The following MECR variants were observed in gnomAD, a reference collection of about 807,000 sequenced individuals.
MECR encodes the protein mitochondrial trans-2-enoyl-CoA reductase, also known as enoyl-[acyl-carrier-protein] reductase, mitochondrial.
A neutral mutation model predicts 49.1 loss-of-function variants in MECR; 37 were observed. The ratio of observed to expected loss-of-function variants is 0.75; its 90% confidence interval spans 0.58 to 0.99. The LOEUF is 0.99. Among genes scored for constraint, MECR ranks in the 50% least tolerant of loss-of-function variants. MECR has a pLI of 0.00. For synonymous variants in MECR, 198 were observed against 191.1 expected, an observed-to-expected ratio of 1.04 and a Z score of -0.30; for missense variants, 470 against 479.6, an observed-to-expected ratio of 0.98 and a Z score of 0.19.
In MECR at chr1:29,217,072, T is replaced by A. The variant is rs372250386; in HGVS notation, c.177-387A>T. Among the ~76,000 whole-genome samples the A allele has an allele frequency of 2.1e-4, 30 of 141,896 alleles. No homozygotes were observed. In the East Asian group the frequency reaches 5.4e-3, roughly 26 times the overall value. The allele number at this position is 141,896 out of a possible 152,430, so 93.1% of individuals were successfully genotyped here. On this transcript the variant is annotated intron_variant, in intron 1 of 9. Transcript: ENST00000263702. ...TTGCTTCAACGTGGGAGGCAGAGGTTGTAGTGAGCTGAGATTGTGCCATCC... is the reference window on the plus strand; with the variant it reads ...TTGCTTCAACGTGGGAGGCAGAGGTAGTAGTGAGCTGAGATTGTGCCATCC...
At position 29,230,918 on chromosome 1, in the gene MECR, C is replaced by T; in HGVS notation, c.-12G>A. ...CTGCAGACCCACATGCTCGCTCCAA[C>T]CAACACAGAGCCTGACGCCCCGGCT... On this transcript the variant is annotated 5_prime_UTR_variant, in exon 1 of 10. Transcript: ENST00000263702. The T allele has an allele frequency of 6.3e-7, 1 of 1,588,706 alleles. No homozygotes were observed. The highest frequency in any genetic ancestry group is 8.5e-7 in the Non-Finnish European group (1 of 1,172,368).
At chr1:29,175,474 T>C in the MECR span, among the ~76,000 whole-genome samples, 2 of 150,274 alleles carry the variant, frequency 1.3e-5, no homozygotes, top group African/African-American at 2.5e-5. Flanking sequence ...GGCGGGTGGA[T>C]CATGAGGTCA....
At chr1:29,212,038 C>T (rs1249533975) in intron 3 of MECR, among the ~76,000 whole-genome samples, 1 of 152,218 alleles carries the variant, frequency 6.6e-6, no homozygotes, top group Non-Finnish European at 1.5e-5. Context: ...CAGATGCTCA[C>T]AAAATGTTTA....
rs892036027 is a variant in MECR at position 29,210,989 on chromosome 1, G to C, written c.407-4084C>G. Among the ~76,000 whole-genome samples, 87 of 152,146 alleles carry C rather than the reference G, an allele frequency of 5.7e-4. 1 individual carries two copies. Among genetic ancestry groups the C allele is most frequent in the Middle Eastern group, 6.8e-3 (2 of 294 alleles). ...AGGATTCCCAATTCCTCAGTCATAT[G>C]CAACTGACCCTTAACCATCTCCATT... On this transcript the variant is annotated intron_variant, in intron 3 of 9. Coordinates refer to ENST00000263702, the MANE Select transcript of MECR (RefSeq NM_016011.5).
chr1:29,208,042 G>T (rs1023553873), intron 3 of MECR, among the ~76,000 whole-genome samples: 4 of 152,032 alleles, frequency 2.6e-5, no homozygotes, highest in Admixed American at 6.6e-5. Context: ...TCCCAGGCTG[G>T]AGTGCAATGG....
At chr1:29,203,022 G>T in intron 5 of MECR, 109 bp downstream of exon 5, 1 of 822,376 alleles carries the variant, frequency 1.2e-6, no homozygotes. Flanking sequence ...CCTAAAGCCA[G>T]TTTATGCTTA....
chr1:29,178,094 T>C, the MECR span, among the ~76,000 whole-genome samples: 1 of 151,744 alleles, frequency 6.6e-6, no homozygotes, highest in African/African-American at 2.4e-5. Flanking sequence ...GAGATGGGGT[T>C]TCACCATGTT....
intron 1 of MECR, among the ~76,000 whole-genome samples, chr1:29,217,688 G>T (rs1679828930): frequency 6.6e-6 from 1 of 152,200 alleles, no homozygotes; most frequent in Non-Finnish European, 1.5e-5. Context: ...ACCCCAAGTA[G>T]TTCTTACCAA....
chr1:29,185,123 T>C, the MECR span, among the ~76,000 whole-genome samples: 1 of 152,092 alleles, frequency 6.6e-6, no homozygotes, highest in Admixed American at 6.5e-5. Context: ...CGAAACTTTG[T>C]CTCAAAAAAG....
At chr1:29,168,859 G>C in the MECR span, 1 of 152,108 alleles carries the variant, frequency 6.6e-6, no homozygotes, top group South Asian at 2.1e-4. Flanking sequence ...ATGGTGACTT[G>C]AACCAAAAAA....
intron 1 of MECR, chr1:29,223,327 G>A (rs926881608): frequency 3.1e-6 from 3 of 979,712 alleles, no homozygotes; most frequent in Non-Finnish European, 3.6e-6. Context: ...TGAGAGGGGG[G>A]AAAAGAGGCC....
the MECR span, among the ~76,000 whole-genome samples, chr1:29,175,046 G>C: frequency 6.6e-6 from 1 of 150,696 alleles, no homozygotes. Flanking sequence ...GCCCATACCT[G>C]TATGTGAAAA....
At chr1:29,213,478 G>T (rs1427026262) in intron 3 of MECR, among the ~76,000 whole-genome samples, 1 of 152,170 alleles carries the variant, frequency 6.6e-6, no homozygotes, top group Non-Finnish European at 1.5e-5. Flanking sequence ...CAACCACAAG[G>T]CCCCACCTGT....
chr1:29,169,531 T>C, the MECR span: 1 of 152,200 alleles, frequency 6.6e-6, no homozygotes, highest in Non-Finnish European at 1.5e-5. Context: ...TCTCTACAAG[T>C]GGAACCAAAC....
At chr1:29,199,221 C>T (rs1219531718) in intron 7 of MECR, among the ~76,000 whole-genome samples, 1 of 152,086 alleles carries the variant, frequency 6.6e-6, no homozygotes, top group African/African-American at 2.4e-5. Context: ...CACTCTAGCT[C>T]AAGAAGCTTT....
intron 7 of MECR, among the ~76,000 whole-genome samples, chr1:29,197,368 G>A (rs905856697): frequency 6.6e-6 from 1 of 152,144 alleles, no homozygotes; most frequent in Admixed American, 6.5e-5. Context: ...TGATGTGGAC[G>A]GTGCAGGGAA....
At chr1:29,210,788 C>T (rs1382583709) in intron 3 of MECR, among the ~76,000 whole-genome samples, 2 of 152,178 alleles carry the variant, frequency 1.3e-5, no homozygotes, top group South Asian at 2.1e-4. Context: ...ATCACTTCAC[C>T]TTTTTTGAGT....
At chr1:29,225,299 G>T (rs1207761740) in intron 1 of MECR, among the ~76,000 whole-genome samples, 1 of 152,046 alleles carries the variant, frequency 6.6e-6, no homozygotes, top group Non-Finnish European at 1.5e-5. Context: ...TTCCCTCGGG[G>T]TCTCTGCACA....
chr1:29,187,735 A>G (rs12059677), downstream of MECR, among the ~76,000 whole-genome samples: 123,967 of 150,042 alleles, frequency 0.83, 51,769 homozygotes, highest in Middle Eastern at 0.9. Flanking sequence ...AAGTAGCTGG[A>G]ACTAAAGATG....
Sources: gnomAD v4.1 joint callset for allele counts (sites outside exome capture counted in the v4.1 genomes callset) on GRCh38, gnomAD v4.1.1 for gene constraint, MANE v1.5 for transcripts, NCBI Gene and HGNC (gene_info 2026-07-23, HGNC 2026-07-21) for gene names.